The following SLC35D4 variants were observed in gnomAD, a reference collection of about 807,000 sequenced individuals.
The protein encoded by SLC35D4 is UDP-N-acetylglucosamine transporter SLC35D4.
chr18:23,304,970 A>G, the SLC35D4 span, among the ~76,000 whole-genome samples: 1 of 152,192 alleles, frequency 6.6e-6, no homozygotes, highest in African/African-American at 2.4e-5. Context: ...GATCCATCCA[A>G]TGAATTAGCT....
chr18:23,365,386 A>G, the SLC35D4 span, among the ~76,000 whole-genome samples: 1 of 152,232 alleles, frequency 6.6e-6, no homozygotes, highest in Admixed American at 6.5e-5. Flanking sequence ...TTGGCAGGAA[A>G]TAGACCTGTC....
At chr18:23,282,073 C>T in the SLC35D4 span, among the ~76,000 whole-genome samples, 6 of 152,216 alleles carry the variant, frequency 3.9e-5, no homozygotes, top group Admixed American at 3.3e-4. Context: ...ATCAACTGGC[C>T]CAGGTGAGTG....
the SLC35D4 span, among the ~76,000 whole-genome samples, chr18:23,251,445 C>T: frequency 4.4e-3 from 673 of 151,584 alleles, 5 homozygotes; most frequent in Non-Finnish European, 7.6e-3. Context: ...AGCATGACTC[C>T]GTCTCAAAAA....
chr18:23,283,602 G>A, the SLC35D4 span, among the ~76,000 whole-genome samples: 2 of 152,024 alleles, frequency 1.3e-5, no homozygotes, highest in Non-Finnish European at 2.9e-5. Context: ...CTGAGGTCAG[G>A]AGTTCGAGTC....
chr18:23,254,291 A>G, the SLC35D4 span, among the ~76,000 whole-genome samples: 1 of 152,236 alleles, frequency 6.6e-6, no homozygotes, highest in Non-Finnish European at 1.5e-5. Flanking sequence ...AGGTTGCTTC[A>G]GTAAGACCTT....
chr18:23,365,209 C>A, the SLC35D4 span, among the ~76,000 whole-genome samples: 1 of 152,076 alleles, frequency 6.6e-6, no homozygotes, highest in South Asian at 2.1e-4. Context: ...CATATTCTGC[C>A]ATAAGAGCAA....
chr18:23,294,405 G>A, the SLC35D4 span, among the ~76,000 whole-genome samples: 1 of 152,286 alleles, frequency 6.6e-6, no homozygotes, highest in Admixed American at 6.5e-5. Context: ...CGCTGAGCAC[G>A]TGAATTTGGG....
the SLC35D4 span, among the ~76,000 whole-genome samples, chr18:23,413,567 C>T: frequency 2.0e-5 from 3 of 152,210 alleles, no homozygotes; most frequent in South Asian, 2.1e-4. Flanking sequence ...CTAGATGTGT[C>T]GCTGAGTGAG....
the SLC35D4 span, among the ~76,000 whole-genome samples, chr18:23,374,704 C>T: frequency 6.6e-6 from 1 of 152,026 alleles, no homozygotes; most frequent in Non-Finnish European, 1.5e-5. Context: ...AGGCCGGTCT[C>T]GAACTCCCGA....
the SLC35D4 span, among the ~76,000 whole-genome samples, chr18:23,254,700 C>T: frequency 1.3e-5 from 2 of 152,196 alleles, no homozygotes; most frequent in Non-Finnish European, 2.9e-5. Flanking sequence ...TGGGCATCTT[C>T]TTGCCCATCC....
the SLC35D4 span, among the ~76,000 whole-genome samples, chr18:23,328,141 C>CA: frequency 5.3e-5 from 8 of 152,174 alleles, no homozygotes; most frequent in Admixed American, 1.3e-4. Context: ...TGAAAACTGG[C>CA]ACAAGACAGG....
At chr18:23,389,638 A>C in the SLC35D4 span, among the ~76,000 whole-genome samples, 29 of 152,072 alleles carry the variant, frequency 1.9e-4, no homozygotes. Flanking sequence ...TCCCAGGTTC[A>C]AGCAACTCTC....
chr18:23,392,841 A>C, the SLC35D4 span, among the ~76,000 whole-genome samples: 1 of 152,242 alleles, frequency 6.6e-6, no homozygotes, highest in African/African-American at 2.4e-5. Context: ...GAGTGAGACA[A>C]GTAAGAACAC....
At chr18:23,324,201 G>C in the SLC35D4 span, among the ~76,000 whole-genome samples, 1 of 152,132 alleles carries the variant, frequency 6.6e-6, no homozygotes, top group Admixed American at 6.5e-5. Flanking sequence ...GAGTGCACAG[G>C]GAGAAGGCAG....
At chr18:23,353,127 G>GTGT in the SLC35D4 span, among the ~76,000 whole-genome samples, 1 of 150,344 alleles carries the variant, frequency 6.7e-6, no homozygotes, top group African/African-American at 2.4e-5. Context: ...GTGTGTATGT[G>GTGT]AGAGAGAGAG....
chr18:23,425,850 G>A, the SLC35D4 span, among the ~76,000 whole-genome samples: 17 of 152,324 alleles, frequency 1.1e-4, no homozygotes, highest in South Asian at 3.5e-3. Context: ...AATGAGGCTA[G>A]TATAAATTAG....
the SLC35D4 span, chr18:23,377,715 T>C: frequency 6.1e-6 from 9 of 1,487,128 alleles, no homozygotes; most frequent in Non-Finnish European, 8.0e-6. Flanking sequence ...TTTAAAACTT[T>C]TTAAATTCCT....
chr18:23,275,675 C>T, the SLC35D4 span, among the ~76,000 whole-genome samples: 4 of 150,072 alleles, frequency 2.7e-5, no homozygotes, highest in East Asian at 3.9e-4. Context: ...GGGGACTTGA[C>T]GTGGAAGGAC....
chr18:23,421,292 A>G, the SLC35D4 span: 2 of 1,233,550 alleles, frequency 1.6e-6, no homozygotes, highest in East Asian at 2.4e-5. Flanking sequence ...CCAGTGTAAC[A>G]CCATATGAAA....
Sources: allele counts gnomAD v4.1 joint callset (sites outside exome capture counted in the v4.1 genomes callset), GRCh38; gene constraint gnomAD v4.1.1; transcripts MANE v1.5; gene names NCBI Gene and HGNC (gene_info 2026-07-23, HGNC 2026-07-21).